SOX5: variants seen among roughly 807,000 people sequenced by gnomAD.
SOX5 encodes transcription factor SOX-5.
SOX5 carries 9 observed loss-of-function variants against 92.0 expected under a neutral mutation model. The observed-to-expected ratio is 0.10, with a 90% CI of 0.06 to 0.17. The LOEUF is 0.17. Among genes scored for constraint, SOX5 ranks in the 10% least tolerant of loss-of-function variants. The pLI, the probability that SOX5 is intolerant of heterozygous loss-of-function variation, is 1.00. For missense variants in SOX5, 642 were observed against 944.5 expected (o/e 0.68, Z 4.20); for synonymous variants, 344 against 336.3 (o/e 1.02, Z -0.25).
chr12:23,894,558 A>C (rs1420919465), intron 2 of SOX5, among the ~76,000 whole-genome samples: 1 of 152,072 alleles, frequency 6.6e-6, no homozygotes, highest in Non-Finnish European at 1.5e-5. Context: ...AAAATCTTGG[A>C]ATTGTCAAAT....
chr12:23,850,584 A>G (rs1460195169), intron 2 of SOX5, among the ~76,000 whole-genome samples: 1 of 152,086 alleles, frequency 6.6e-6, no homozygotes. Context: ...AATATACCTT[A>G]TAACAAATGT....
intron 6 of SOX5, among the ~76,000 whole-genome samples, chr12:23,731,876 A>G (rs2093406602): frequency 1.3e-5 from 2 of 152,214 alleles, no homozygotes; most frequent in Admixed American, 1.3e-4. Context: ...GTCTGGAACA[A>G]CAACAATGGT....
At chr12:23,619,221 C>G (rs1185649337) in intron 8 of SOX5, among the ~76,000 whole-genome samples, 1 of 151,976 alleles carries the variant, frequency 6.6e-6, no homozygotes, top group Admixed American at 6.6e-5. Context: ...TTTGAGTATA[C>G]AAATTATGCT....
chr12:24,443,331 T>G (rs187858986), intron 1 of SOX5, among the ~76,000 whole-genome samples: 2 of 152,192 alleles, frequency 1.3e-5, no homozygotes, highest in African/African-American at 2.4e-5. Flanking sequence ...GAAGTAAAGA[T>G]GGACATGAGA....
intron 4 of SOX5, among the ~76,000 whole-genome samples, chr12:24,109,534 C>T (rs915273741): frequency 1.2e-4 from 19 of 152,142 alleles, no homozygotes; most frequent in Admixed American, 1.0e-3. Context: ...TTGTACAACA[C>T]TTCTGAAAGT....
At chr12:23,748,728 A>G (rs2094083040) in intron 4 of SOX5, among the ~76,000 whole-genome samples, 1 of 152,002 alleles carries the variant, frequency 6.6e-6, no homozygotes, top group Admixed American at 6.6e-5. Flanking sequence ...TTGTCAGACT[A>G]CTAGTGTTAC....
At chr12:24,266,103 G>A (rs12310697) in intron 3 of SOX5, among the ~76,000 whole-genome samples, 14 of 149,356 alleles carry the variant, frequency 9.4e-5, no homozygotes, top group African/African-American at 3.0e-4. Flanking sequence ...TGGTGGAGAT[G>A]GGGTTTCACC....
At chr12:24,339,805 CCAGA>C (rs1206900215) in intron 2 of SOX5, among the ~76,000 whole-genome samples, 7 of 152,176 alleles carry the variant, frequency 4.6e-5, no homozygotes, top group Non-Finnish European at 1.0e-4. Context: ...CCTTCAGGAA[CCAGA>C]CAGTCATTTC....
At position 24,083,792 on chromosome 12, in the gene SOX5, T is replaced by A. The variant is rs551301382; in HGVS notation, c.-2+129551A>T. 9.9e-5 allele frequency among the ~76,000 whole-genome samples: 15 copies of A among 152,164 alleles called. No individual in the cohort carries two copies. The South Asian group carries it at 2.7e-3, about 27-fold the overall frequency. On this transcript the variant is annotated intron_variant, in intron 4 of 4. Transcript: ENST00000446891. ...AGGAAACAGTAATATGTCTGGATCATAATGAGGAATAATTAGTGGCCCACT... is the reference window on the plus strand; with the variant it reads ...AGGAAACAGTAATATGTCTGGATCAAAATGAGGAATAATTAGTGGCCCACT...
At position 23,895,792 on chromosome 12, in the gene SOX5, C is replaced by T. The variant is rs1409132202; in HGVS notation, c.270+1G>A. On this transcript the variant is annotated splice_donor_variant, in intron 2 of 14. Coordinates refer to ENST00000451604, the MANE Select transcript of SOX5 (RefSeq NM_006940.6). LOFTEE classifies it high-confidence loss of function. Reference sequence around the variant, plus strand: ...GGCACAATAAACCATGAGAAACCTACCATTGTATTGTGCTGAGAAGTGGGA... The same window carrying T: ...GGCACAATAAACCATGAGAAACCTATCATTGTATTGTGCTGAGAAGTGGGA... The T allele has an allele frequency of 6.3e-7, 1 of 1,597,410 alleles. No homozygotes were observed. Among genetic ancestry groups the T allele is most frequent in the Non-Finnish European group, 8.6e-7 (1 of 1,164,898 alleles).
intron 7 of SOX5, among the ~76,000 whole-genome samples, chr12:23,656,628 G>A (rs1171666550): frequency 6.6e-6 from 1 of 151,884 alleles, no homozygotes; most frequent in Non-Finnish European, 1.5e-5. Flanking sequence ...TAAGTAGTTT[G>A]TCATCTATGT....
upstream of SOX5, among the ~76,000 whole-genome samples, chr12:23,950,619 G>C (rs1192269712): frequency 6.6e-6 from 1 of 152,172 alleles, no homozygotes. Context: ...GTTTGGGATC[G>C]CTGGGGAGGT....
At chr12:24,034,875 T>C (rs901025919) in intron 4 of SOX5, among the ~76,000 whole-genome samples, 1 of 152,214 alleles carries the variant, frequency 6.6e-6, no homozygotes, top group South Asian at 2.1e-4. Flanking sequence ...CCGTACATTT[T>C]TGTTTACTCT....
chr12:24,409,999 C>G (rs890361971), intron 1 of SOX5, among the ~76,000 whole-genome samples: 36 of 140,500 alleles, frequency 2.6e-4, no homozygotes, highest in African/African-American at 8.5e-4. Context: ...TTTCACATAG[C>G]AACTTTTTTT....
At chr12:24,024,541 C>A (rs142772168) in intron 4 of SOX5, among the ~76,000 whole-genome samples, 6 of 151,934 alleles carry the variant, frequency 3.9e-5, no homozygotes, top group African/African-American at 1.2e-4. Flanking sequence ...TCAGAGAATA[C>A]GGGAATTCTT....
intron 12 of SOX5, among the ~76,000 whole-genome samples, chr12:23,544,327 A>G (rs1942709170): frequency 6.6e-6 from 1 of 152,226 alleles, no homozygotes; most frequent in South Asian, 2.1e-4. Context: ...GCAAAGAGAA[A>G]ATAAGGAGAA....
chr12:23,634,813 TAATA>T (rs2079013924), intron 8 of SOX5, among the ~76,000 whole-genome samples: 2 of 152,198 alleles, frequency 1.3e-5, no homozygotes, highest in South Asian at 4.1e-4. Flanking sequence ...GGTGATTAAT[TAATA>T]TAGAAAACTA....
At chr12:23,626,112 AAG>A (rs2077752405) in intron 8 of SOX5, among the ~76,000 whole-genome samples, 1 of 152,128 alleles carries the variant, frequency 6.6e-6, no homozygotes, top group Non-Finnish European at 1.5e-5. Flanking sequence ...GAGAAAAAGA[AAG>A]AGACAGAGAA....
chr12:24,093,060 C>T (rs763089419), intron 4 of SOX5, among the ~76,000 whole-genome samples: 8 of 152,078 alleles, frequency 5.3e-5, no homozygotes, highest in African/African-American at 1.7e-4. Context: ...ATAAAAAAAT[C>T]ATGAGCTAAA....
Sources: allele counts gnomAD v4.1 joint callset (sites outside exome capture counted in the v4.1 genomes callset), GRCh38; gene constraint gnomAD v4.1.1; transcripts MANE v1.5; gene names NCBI Gene and HGNC (gene_info 2026-07-23, HGNC 2026-07-21).